The following CHRM3 variants were observed in gnomAD, a reference collection of about 807,000 sequenced individuals.
CHRM3 encodes the protein muscarinic acetylcholine receptor M3.
CHRM3 carries 11 observed loss-of-function variants against 41.8 expected under a neutral mutation model. The ratio of observed to expected loss-of-function variants is 0.26; its 90% CI spans 0.17 to 0.44. CHRM3 has a LOEUF of 0.44. CHRM3 is among the 20% of genes least tolerant of loss of function. The pLI, the probability that CHRM3 is intolerant of heterozygous loss-of-function variation, is 1.00. For missense variants in CHRM3, 571 were observed against 745.4 expected (o/e 0.77, Z 2.72); for synonymous variants, 297 against 301.4 (o/e 0.99, Z 0.15).
At chr1:239,834,792 C>A (rs10925984) in intron 6 of CHRM3, among the ~76,000 whole-genome samples, 44,191 of 152,090 alleles carry the variant, frequency 0.29, 7,112 homozygotes, top group East Asian at 0.5. Flanking sequence ...GTTCAGATTT[C>A]ACTTTTTTCT....
intron 6 of CHRM3, among the ~76,000 whole-genome samples, chr1:239,894,535 C>T (rs745311496): frequency 2.1e-4 from 32 of 152,250 alleles, no homozygotes; most frequent in East Asian, 7.7e-4. Flanking sequence ...CAGGTTCAAG[C>T]GATTCTCGTG....
intron 3 of CHRM3, among the ~76,000 whole-genome samples, chr1:239,560,795 A>C (rs1178872926): frequency 6.6e-6 from 1 of 152,042 alleles, no homozygotes; most frequent in African/African-American, 2.4e-5. Context: ...GGTTCCACAC[A>C]ACAAGGATGA....
intron 5 of CHRM3, among the ~76,000 whole-genome samples, chr1:239,755,595 G>A (rs1666176653): frequency 6.6e-6 from 1 of 152,164 alleles, no homozygotes; most frequent in African/African-American, 2.4e-5. Context: ...TACAGAAAAA[G>A]GGTATGAAAC....
chr1:239,401,085 C>A (rs547305784), intron 1 of CHRM3, among the ~76,000 whole-genome samples: 1 of 152,252 alleles, frequency 6.6e-6, no homozygotes, highest in African/African-American at 2.4e-5. Flanking sequence ...AAAGTTGATT[C>A]TGGGAGGGAC....
intron 5 of CHRM3, chr1:239,707,102 A>G (rs984760305): frequency 2.0e-5 from 3 of 152,204 alleles, no homozygotes; most frequent in Non-Finnish European, 2.9e-5. Context: ...AAATGAACGA[A>G]CCTTACAGAC....
intron 6 of CHRM3, among the ~76,000 whole-genome samples, chr1:239,848,066 T>C (rs1450755807): frequency 6.6e-6 from 1 of 150,400 alleles, no homozygotes; most frequent in East Asian, 1.9e-4. Context: ...CATCTCCATA[T>C]TAAAAATACC....
intron 5 of CHRM3, among the ~76,000 whole-genome samples, chr1:239,805,491 G>C (rs1180944945): frequency 1.3e-5 from 2 of 152,168 alleles, no homozygotes; most frequent in African/African-American, 4.8e-5. Flanking sequence ...ATTAAGAGAA[G>C]AGGGGAAGAG....
At chr1:239,475,455 A>C (rs1424376032) in intron 1 of CHRM3, among the ~76,000 whole-genome samples, 2 of 152,116 alleles carry the variant, frequency 1.3e-5, no homozygotes, top group African/African-American at 4.8e-5. Context: ...GTAGTGAGAG[A>C]GGAGTCTAAG....
intron 1 of CHRM3, among the ~76,000 whole-genome samples, chr1:239,426,177 G>A (rs1237775975): frequency 3.9e-5 from 4 of 103,838 alleles, no homozygotes; most frequent in Non-Finnish European, 7.2e-5. Context: ...CAACAGGCCC[G>A]GTAAGTCAGG....
intron 1 of CHRM3, among the ~76,000 whole-genome samples, chr1:239,464,590 A>G (rs1166737415): frequency 2.6e-5 from 4 of 152,192 alleles, no homozygotes; most frequent in Non-Finnish European, 5.9e-5. Context: ...GATGGATTGA[A>G]GGCACAAATT....
chr1:239,648,708 G>A (rs549738800), intron 4 of CHRM3, among the ~76,000 whole-genome samples: 1 of 152,304 alleles, frequency 6.6e-6, no homozygotes, highest in South Asian at 2.1e-4. Context: ...GGATGAGCAT[G>A]GAAAGAACTG....
intron 6 of CHRM3, among the ~76,000 whole-genome samples, chr1:239,836,381 T>TG (rs1673314828): frequency 1.3e-5 from 2 of 151,752 alleles, no homozygotes; most frequent in African/African-American, 4.9e-5. Context: ...TCATTTTCTG[T>TG]TTTTGTTTTT....
intron 5 of CHRM3, among the ~76,000 whole-genome samples, chr1:239,826,451 CAGTGCATCTCTGGTTTCAGT>C (rs1672470713): frequency 6.6e-6 from 1 of 152,268 alleles, no homozygotes; most frequent in African/African-American, 2.4e-5. Context: ...TCTTCAGCAT[CAGTGCATCTCTGGTTTCAGT>C]ATTATGTGGC....
chr1:239,791,971 G>A (rs545198656), intron 5 of CHRM3, among the ~76,000 whole-genome samples: 1 of 152,284 alleles, frequency 6.6e-6, no homozygotes, highest in Non-Finnish European at 1.5e-5. Context: ...TTCAAATACT[G>A]GTTTAGAAAA....
intron 6 of CHRM3, among the ~76,000 whole-genome samples, chr1:239,901,164 T>A (rs184184169): frequency 9.9e-5 from 15 of 152,236 alleles, no homozygotes; most frequent in South Asian, 4.2e-4. Flanking sequence ...CTTCTTTGAG[T>A]CTGATCAATA....
intron 4 of CHRM3, among the ~76,000 whole-genome samples, chr1:239,638,214 A>T: frequency 1.3e-5 from 2 of 150,612 alleles, no homozygotes; most frequent in Admixed American, 6.6e-5. Context: ...ATAGTGCCGC[A>T]ATAAACATAC....
chr1:239,444,503 G>A (rs1218594408), intron 1 of CHRM3, among the ~76,000 whole-genome samples: 2 of 152,202 alleles, frequency 1.3e-5, no homozygotes, highest in East Asian at 3.9e-4. Context: ...ACCATTTGAG[G>A]CCCTGCCTGG....
rs189049020 is a variant in CHRM3 at position 239,847,984 on chromosome 1, G to C, written c.-20+20606G>C. On this transcript the variant is annotated intron_variant, in intron 6 of 6. Transcript: ENST00000676153. The stretch of plus-strand genomic sequence containing the variant: ...GGGGAGGGGAGAGAAAAGAATAACT[G>C]TGTGGATTCATGGTAGCAAGAAGCT... Among the ~76,000 whole-genome samples, 33 of 152,046 alleles carry C rather than the reference G, an allele frequency of 2.2e-4. 1 individual carries two copies. The East Asian group carries it at 6.2e-3, about 29-fold the overall frequency.
At chr1:239,799,473 A>G (rs1004173140) in intron 5 of CHRM3, among the ~76,000 whole-genome samples, 6 of 152,100 alleles carry the variant, frequency 3.9e-5, no homozygotes, top group African/African-American at 1.4e-4. Context: ...AGGAACCAGG[A>G]AGCCCGCTCA....
Sources: gnomAD v4.1 joint callset for allele counts (sites outside exome capture counted in the v4.1 genomes callset) on GRCh38, gnomAD v4.1.1 for gene constraint, MANE v1.5 for transcripts, NCBI Gene and HGNC (gene_info 2026-07-23, HGNC 2026-07-21) for gene names.